ESYT2: variants seen among roughly 807,000 people sequenced by gnomAD.
The protein encoded by ESYT2 is extended synaptotagmin-2.
A neutral mutation model predicts 107.2 loss-of-function variants in ESYT2; 54 were observed. The ratio of observed to expected loss-of-function variants is 0.50; its 90% CI spans 0.40 to 0.63. The LOEUF is 0.63. ESYT2 is among the 30% of genes least tolerant of loss of function. The probability of loss-of-function intolerance (pLI) is 0.00; values close to 1 mark genes in which losing one functional copy is unlikely to be tolerated. For synonymous variants in ESYT2, 491 were observed against 434.1 expected, an observed-to-expected ratio of 1.13 and a Z score of -1.63; for missense variants, 1,020 against 1,094.5, an observed-to-expected ratio of 0.93 and a Z score of 0.96.
At chr7:158,813,800 G>T (rs1840053420) in intron 1 of ESYT2, among the ~76,000 whole-genome samples, 1 of 151,734 alleles carries the variant, frequency 6.6e-6, no homozygotes, top group African/African-American at 2.4e-5. Flanking sequence ...TCGTCCCGAT[G>T]ACTCTCACAG....
At chr7:158,766,117 C>T (rs983744940) in intron 8 of ESYT2, among the ~76,000 whole-genome samples, 3 of 151,294 alleles carry the variant, frequency 2.0e-5, no homozygotes, top group Non-Finnish European at 2.9e-5. Flanking sequence ...TGCAGTGAGC[C>T]GAGATTGTGC....
At chr7:158,780,206 C>A (rs1053379036) in intron 6 of ESYT2, among the ~76,000 whole-genome samples, 3 of 152,186 alleles carry the variant, frequency 2.0e-5, no homozygotes, top group Non-Finnish European at 4.4e-5. Flanking sequence ...GGAACAATCC[C>A]ATCCTGTGAG....
At chr7:158,811,855 G>C (rs1171657469) in intron 1 of ESYT2, among the ~76,000 whole-genome samples, 1 of 152,242 alleles carries the variant, frequency 6.6e-6, no homozygotes, top group African/African-American at 2.4e-5. Context: ...CCTGAAAGAG[G>C]AAAGTGGGAA....
At chr7:158,794,434 C>G (rs912505073) in intron 3 of ESYT2, among the ~76,000 whole-genome samples, 1 of 152,226 alleles carries the variant, frequency 6.6e-6, no homozygotes, top group Non-Finnish European at 1.5e-5. Flanking sequence ...TTTGAGGCTG[C>G]AGTGAGCTAT....
intron 6 of ESYT2, among the ~76,000 whole-genome samples, chr7:158,779,675 C>T (rs537205129): frequency 1.1e-4 from 16 of 152,310 alleles, no homozygotes; most frequent in Non-Finnish European, 2.2e-4. Flanking sequence ...TGCTGCGGCC[C>T]CTTCTGCTCT....
At position 158,829,375 on chromosome 7, in the gene ESYT2, C is replaced by A. The variant is rs925122654; in HGVS notation, c.44G>T (p.Gly15Val). ...CTCAGGCGCCGCGCGGCCCCCAGCC[C>A]CGCCGGCGCCCGCCTCCGGGCCCTC... Reference protein sequence around the residue: ...RGEGPEAGAGGAGGRAAPENP... With the variant: ...RGEGPEAGAGVAGGRAAPENP... Residue 15 changes from glycine (G) to valine (V), a missense_variant, in exon 1 of 23, where the codon GGG (glycine) becomes GTG (valine). By Grantham distance (109) the Gly-to-Val change is moderately radical (BLOSUM62 -3). Transcript: ENST00000275418. 3.2e-6 allele frequency: 4 copies of A among 1,267,562 alleles called. No homozygotes were observed. Among genetic ancestry groups the A allele is most frequent in the Middle Eastern group, 3.1e-4 (1 of 3,252 alleles). 78.5% of individuals were successfully genotyped at this position (1,267,562 alleles called of 1,614,324 possible). A position where few individuals can be genotyped will look rare whatever the true frequency, so the allele number is the denominator to read the frequency against.
intron 17 of ESYT2, among the ~76,000 whole-genome samples, chr7:158,742,183 CCT>C (rs1455567891): frequency 6.6e-6 from 1 of 152,160 alleles, no homozygotes; most frequent in African/African-American, 2.4e-5. Context: ...CTCAAGAGAT[CCT>C]CCCGCCTCAG....
chr7:158,745,690 A>AT (rs1837378615), intron 16 of ESYT2, among the ~76,000 whole-genome samples: 1 of 139,946 alleles, frequency 7.1e-6, no homozygotes, highest in South Asian at 2.3e-4. Flanking sequence ...TAATAGAAAG[A>AT]TTAAAAAAAA....
At chr7:158,743,817 A>C in intron 16 of ESYT2, 139 bp from the exon 17 acceptor site, 7 of 971,152 alleles carry the variant, frequency 7.2e-6, no homozygotes, top group East Asian at 3.3e-5. Context: ...GGGGTGGCTC[A>C]CGCCTGTAAT....
chr7:158,779,314 T>C (rs1240058636), intron 6 of ESYT2, among the ~76,000 whole-genome samples: 1 of 152,192 alleles, frequency 6.6e-6, no homozygotes, highest in Non-Finnish European at 1.5e-5. Context: ...GAGGCTGTAG[T>C]AGTGTGCTCC....
At chr7:158,826,796 G>A (rs1222717196) in intron 1 of ESYT2, among the ~76,000 whole-genome samples, 1 of 127,546 alleles carries the variant, frequency 7.8e-6, no homozygotes, top group African/African-American at 3.0e-5. Flanking sequence ...ACTTCAGCCT[G>A]GCAACAGAGC....
chr7:158,810,762 C>T (rs2129473958), intron 1 of ESYT2, among the ~76,000 whole-genome samples: 1 of 152,056 alleles, frequency 6.6e-6, no homozygotes, highest in East Asian at 1.9e-4. Context: ...AGGTGTCTTC[C>T]TCTAGAGACA....
In ESYT2 at chr7:158,748,213, C is replaced by A; in HGVS notation, c.1625G>T (p.Arg542Leu). 1 of 1,614,086 alleles carries A rather than the reference C, an allele frequency of 6.2e-7. No homozygotes were observed. The highest frequency in any genetic ancestry group is 1.3e-5 in the African/African-American group (1 of 75,046). ...NFTFFIHNPK[R>L]QDLEVEVRDE... ...AAATACCTCAACTTCAAGGTCCTGGCGCTTGGGATTGTGAATGAAGAAAGT... is the reference window on the plus strand; with the variant it reads ...AAATACCTCAACTTCAAGGTCCTGGAGCTTGGGATTGTGAATGAAGAAAGT... The change falls in exon 16 of 23, where the codon CGC becomes CTC. Residue 542 changes from arginine to leucine, a missense_variant. Coordinates refer to ENST00000275418, the MANE Select transcript of ESYT2 (RefSeq NM_001367773.1).
chr7:158,806,196 G>GGCT, intron 1 of ESYT2, among the ~76,000 whole-genome samples: 1 of 141,940 alleles, frequency 7.0e-6, no homozygotes, highest in Admixed American at 7.1e-5. Context: ...GCCTTGAGAG[G>GGCT]GCTTCCTCAC....
chr7:158,776,448 G>C (rs950324325), intron 6 of ESYT2, among the ~76,000 whole-genome samples: 9 of 152,220 alleles, frequency 5.9e-5, no homozygotes, highest in Non-Finnish European at 1.0e-4. Context: ...ATCTTAGCTA[G>C]ATCTTCTGGA....
chr7:158,743,308 C>A (rs773729036), intron 17 of ESYT2, among the ~76,000 whole-genome samples: 3 of 152,180 alleles, frequency 2.0e-5, no homozygotes, highest in Non-Finnish European at 4.4e-5. Flanking sequence ...AACCTGGAAA[C>A]GTGGCCTGTT....
chr7:158,734,436 T>G lies in ESYT2; in HGVS notation c.2541A>C (p.Lys847Asn). Residue 847 changes from lysine (K) to asparagine (N), a missense_variant, in exon 22 of 23, where the codon AAA (lysine) becomes AAC (asparagine). Coordinates refer to ENST00000275418, the MANE Select transcript of ESYT2 (RefSeq NM_001367773.1). ...LVALASEELA[K>N]GWTQWYDLTE... ...GGGACACTCACCACTGGGTCCAGCC[T>G]TTGGCAAGTTCTTCAGATGCCAGAG... The G allele has an allele frequency of 6.2e-7, 1 of 1,613,940 alleles. No individual in the cohort carries two copies. Among genetic ancestry groups the G allele is most frequent in the Non-Finnish European group, 8.5e-7 (1 of 1,179,920 alleles).
intron 1 of ESYT2, among the ~76,000 whole-genome samples, chr7:158,808,143 TCC>T (rs1477411907): frequency 1.3e-5 from 2 of 152,120 alleles, no homozygotes; most frequent in African/African-American, 4.8e-5. Context: ...ATTACAGAAA[TCC>T]CCTACTTATC....
chr7:158,768,074 C>T (rs577373327), intron 7 of ESYT2, among the ~76,000 whole-genome samples: 1 of 152,318 alleles, frequency 6.6e-6, no homozygotes, highest in South Asian at 2.1e-4. Context: ...TTTGCACCAA[C>T]CTAATACACT....
Sources: gnomAD v4.1 joint callset for allele counts (sites outside exome capture counted in the v4.1 genomes callset) on GRCh38, gnomAD v4.1.1 for gene constraint, MANE v1.5 for transcripts, NCBI Gene and HGNC (gene_info 2026-07-23, HGNC 2026-07-21) for gene names.